Variants in DHRS3 observed in about 807,000 individuals in gnomAD.
DHRS3 encodes short-chain dehydrogenase/reductase 3.
A neutral mutation model predicts 27.2 loss-of-function variants in DHRS3; 14 were observed. The ratio of observed to expected loss-of-function variants is 0.52; its 90% CI spans 0.34 to 0.81. The LOEUF (loss-of-function observed/expected upper bound fraction) is 0.81. DHRS3 is among the 30% of genes least tolerant of loss of function. The probability of loss-of-function intolerance (pLI) is 0.01; values close to 1 mark genes in which losing one functional copy is unlikely to be tolerated. For missense variants in DHRS3, 322 were observed against 406.2 expected (o/e 0.79, Z 1.78); for synonymous variants, 165 against 175.9 (o/e 0.94, Z 0.49).
intron 3 of DHRS3, 161 bp from the exon 4 acceptor site, chr1:12,579,117 G>T (rs748110358): frequency 7.8e-7 from 1 of 1,289,130 alleles, no homozygotes. Flanking sequence ...AGGACACCGA[G>T]CATATTTCAC....
rs533843171 is a variant in DHRS3, at chr1:12,577,257, C to T, written c.698+1461G>A. On this transcript the variant is annotated intron_variant, in intron 4 of 5. Coordinates refer to ENST00000616661, the MANE Select transcript of DHRS3 (RefSeq NM_004753.7). Reference sequence around the variant, plus strand: ...CCTACATAACTGCACATCATTAAAGCGCCATTTATTGGGCACTTAATATGT... The same window carrying T: ...CCTACATAACTGCACATCATTAAAGTGCCATTTATTGGGCACTTAATATGT... Among the ~76,000 whole-genome samples, 4 of 152,286 alleles carry T rather than the reference C, an allele frequency of 2.6e-5. No individual in the cohort carries two copies. In the East Asian group the frequency reaches 5.8e-4, roughly 22 times the overall value.
rs116157612 is a variant in DHRS3, at chr1:12,591,912, G to A, written c.196-11246C>T. 5.1e-3 allele frequency among the ~76,000 whole-genome samples: 770 copies of A among 152,288 alleles called. 8 individuals carry two copies. Among genetic ancestry groups the A allele is most frequent in the African/African-American group, 0.016 (682 of 41,546 alleles). ...TGAGGGAAAGGTGCGGTCATCATTC[G>A]GTCTTGATGACCAAGTGGTTATGAA... On this transcript the variant is annotated intron_variant, in intron 1 of 5. Coordinates refer to ENST00000616661, the MANE Select transcript of DHRS3 (RefSeq NM_004753.7). The surrounding 1 kb of genome is among the most constrained non-coding windows in gnomAD (Gnocchi z 4.1).
Position 12,586,963 on chromosome 1 carries a change from C to T in DHRS3, c.196-6297G>A, listed in dbSNP as rs1646701896. 6.8e-6 allele frequency among the ~76,000 whole-genome samples: 1 copy of T among 147,906 alleles called. No homozygotes were observed. The highest frequency in any genetic ancestry group is 2.1e-4 in the South Asian group (1 of 4,818). On this transcript the variant is annotated intron_variant, in intron 1 of 5. Transcript: ENST00000616661. This position sits in a 1 kb window ranked among gnomAD's most constrained non-coding sequence, Gnocchi z 5.0. ...GGAGGAAAAGCTGAGAAAATCATAG[C>T]ACTGCCTCTGATACACCCTCTTCAC...
Position 12,578,711 on chromosome 1 carries a change from C to T in DHRS3, c.698+7G>A. 1 of 1,608,618 alleles carries T rather than the reference C, an allele frequency of 6.2e-7. No individual in the cohort carries two copies. The highest frequency in any genetic ancestry group is 8.5e-7 in the Non-Finnish European group (1 of 1,175,474). On this transcript the variant is annotated splice_region_variant and intron_variant, in intron 4 of 5. Coordinates refer to ENST00000616661, the MANE Select transcript of DHRS3 (RefSeq NM_004753.7). The surrounding 1 kb of genome is among the most constrained non-coding windows in gnomAD (Gnocchi z 4.5). ...CTGGTCTCAAGGTGGGTCCCCTGCT[C>T]ACTGACCTGACTCTCATGCCCTGGA...
chr1:12,593,175 T>G lies in DHRS3; in HGVS notation c.196-12509A>C, dbSNP rs953273333. ...GCTGCCCATCTCACAGACTGGAATCTAGTGTTTACTGGGATCGCAGGCCCT... is the reference window on the plus strand; with the variant it reads ...GCTGCCCATCTCACAGACTGGAATCGAGTGTTTACTGGGATCGCAGGCCCT... On this transcript the variant is annotated intron_variant, in intron 1 of 5. Transcript: ENST00000616661. This position sits in a 1 kb window ranked among gnomAD's most constrained non-coding sequence, Gnocchi z 4.6. 1.3e-5 allele frequency among the ~76,000 whole-genome samples: 2 copies of G among 152,172 alleles called. No individual in the cohort carries two copies. Among genetic ancestry groups the G allele is most frequent in the African/African-American group, 4.8e-5 (2 of 41,446 alleles).
rs577764111 is a variant in DHRS3 at position 12,571,987 on chromosome 1, CCAAA to C, written c.824+737_824+740del. ...AAGAATCCAATTGTCTTCAATTAAG[CCAAA>C]CAAAGAGATTTGCAAAAAGGTAGAA... On this transcript the variant is annotated intron_variant, in intron 5 of 5. Transcript: ENST00000616661. Among the ~76,000 whole-genome samples the C allele has an allele frequency of 8.3e-4, 127 of 152,138 alleles. 1 individual carries two copies. The highest frequency in any genetic ancestry group is 2.7e-3 in the African/African-American group (111 of 41,500).
At chr1:12,597,831 T>C (rs4846124) in intron 1 of DHRS3, among the ~76,000 whole-genome samples, 4,051 of 152,226 alleles carry the variant, frequency 0.027, 162 homozygotes, top group African/African-American at 0.092. Flanking sequence ...TTGTAAAGAA[T>C]TGCAAGATGG....
rs796106398 is a variant in DHRS3 at position 12,585,239 on chromosome 1, GTGTGTCTC to G, written c.196-4581_196-4574del. Among the ~76,000 whole-genome samples, 16 of 125,648 alleles carry G rather than the reference GTGTGTCTC, an allele frequency of 1.3e-4. No individual in the cohort carries two copies. The Middle Eastern group carries it at 0.011, about 88-fold the overall frequency. The allele number at this position is 125,648 out of a possible 152,430, so 82.4% of individuals were successfully genotyped here. The stretch of plus-strand genomic sequence containing the variant: ...TCTGTGTGTGTGTGTCTATGTGAGT[GTGTGTCTC>G]TGTGTCTCTGAGTGTGTGTCTCTCT... On this transcript the variant is annotated intron_variant, in intron 1 of 5. Transcript: ENST00000616661.
chr1:12,574,688 C>T lies in DHRS3; in HGVS notation c.699-1835G>A, dbSNP rs546650956. ...AAAGTCCATGGGCTTGACGGGAATC[C>T]TTCTTGGTAAGACCCCTGCCAGGGA... is the stretch of plus-strand genomic sequence containing the variant. On this transcript the variant is annotated intron_variant, in intron 4 of 5. Coordinates refer to ENST00000616661, the MANE Select transcript of DHRS3 (RefSeq NM_004753.7). This position sits in a 1 kb window ranked among gnomAD's most constrained non-coding sequence, Gnocchi z 4.6. Among the ~76,000 whole-genome samples, 117 of 152,318 alleles carry T rather than the reference C, an allele frequency of 7.7e-4. No individual in the cohort carries two copies. Among genetic ancestry groups the T allele is most frequent in the African/African-American group, 2.5e-3 (106 of 41,578 alleles).
chr1:12,590,562 G>A (rs187931154), intron 1 of DHRS3, among the ~76,000 whole-genome samples: 66 of 151,884 alleles, frequency 4.3e-4, no homozygotes, highest in African/African-American at 1.5e-3. Flanking sequence ...CACCTGCCTC[G>A]GCCTCCCAAA....
At chr1:12,584,359 C>G (rs990769107) in intron 1 of DHRS3, among the ~76,000 whole-genome samples, 6 of 152,018 alleles carry the variant, frequency 3.9e-5, no homozygotes, top group African/African-American at 1.4e-4. Context: ...CAGGAAGCCC[C>G]CCAGGCAGGG....
intron 1 of DHRS3, among the ~76,000 whole-genome samples, chr1:12,615,484 A>T (rs1646938814): frequency 6.6e-6 from 1 of 152,080 alleles, no homozygotes; most frequent in Non-Finnish European, 1.5e-5. Flanking sequence ...CCCACCCCCC[A>T]ATGCCATACA....
chr1:12,597,808 C>T (rs1646808896), intron 1 of DHRS3, among the ~76,000 whole-genome samples: 1 of 152,172 alleles, frequency 6.6e-6, no homozygotes, highest in South Asian at 2.1e-4. Context: ...TCGCAGGGTC[C>T]CTGGTTCAAA....
chr1:12,587,500 T>A lies in DHRS3; in HGVS notation c.196-6834A>T, dbSNP rs72871190. Among the ~76,000 whole-genome samples, 1,431 of 152,108 alleles carry A rather than the reference T, an allele frequency of 9.4e-3. 40 individuals are homozygous for A. Among genetic ancestry groups the A allele is most frequent in the African/African-American group, 0.033 (1,352 of 41,488 alleles). On this transcript the variant is annotated intron_variant, in intron 1 of 5. Transcript: ENST00000616661. ...CAGGCAGGATCACAGCTGACTGTCG[T>A]TTGCTTCTTTATATTTGTATAAGCA... is the stretch of plus-strand genomic sequence containing the variant.
chr1:12,579,561 C>T (rs1016952908), intron 2 of DHRS3, 149 bp from the exon 3 acceptor site: 24 of 1,221,454 alleles, frequency 2.0e-5, no homozygotes, highest in Admixed American at 8.5e-5. Context: ...CTGCCACCTC[C>T]GCCTCCTGGG....
In DHRS3 at chr1:12,591,987, G is replaced by T. The variant is rs1480790994; in HGVS notation, c.196-11321C>A. ...CCCTCTGCGAGGACACTGGGGCTCT[G>T]ATGGGGCTCAGGTGGGAGGACAGGT... On this transcript the variant is annotated intron_variant, in intron 1 of 5. Transcript: ENST00000616661. This position sits in a 1 kb window ranked among gnomAD's most constrained non-coding sequence, Gnocchi z 4.1. 6.6e-6 allele frequency among the ~76,000 whole-genome samples: 1 copy of T among 152,228 alleles called. No homozygotes were observed. Among genetic ancestry groups the T allele is most frequent in the African/African-American group, 2.4e-5 (1 of 41,460 alleles).
rs367717841 is a variant in DHRS3 at position 12,581,947 on chromosome 1, T to C, written c.196-1281A>G. Among the ~76,000 whole-genome samples the C allele has an allele frequency of 3.3e-5, 5 of 152,096 alleles. No homozygotes were observed. In the East Asian group the frequency reaches 7.7e-4, roughly 23 times the overall value. On this transcript the variant is annotated intron_variant, in intron 1 of 5. Transcript: ENST00000616661. ...ATCAGTGAAATTCCCCCTTAAAAAA[T>C]ATCCAACGTGGAAACCCCAACGCGT... is the stretch of plus-strand genomic sequence containing the variant.
chr1:12,600,240 A>C (rs75856707), intron 1 of DHRS3: 332,566 of 356,622 alleles, frequency 0.93, 155,123 homozygotes, highest in African/African-American at 0.94. Context: ...CACACACACA[A>C]TCACACAAAC....
intron 1 of DHRS3, among the ~76,000 whole-genome samples, chr1:12,595,314 G>A (rs1238134215): frequency 6.6e-6 from 1 of 152,110 alleles, no homozygotes; most frequent in Non-Finnish European, 1.5e-5. Context: ...GATGGCGTGA[G>A]GGGGTGGCAG....
Sources: allele counts gnomAD v4.1 joint callset (sites outside exome capture counted in the v4.1 genomes callset), GRCh38; gene constraint gnomAD v4.1.1; non-coding constraint Gnocchi (gnomAD v3.1); transcripts MANE v1.5; gene names NCBI Gene and HGNC (gene_info 2026-07-23, HGNC 2026-07-21).